The following GTF2H1 variants were observed in gnomAD, a reference collection of about 807,000 sequenced individuals.
GTF2H1 encodes BTF2 p62.
GTF2H1 carries 16 observed loss-of-function variants against 71.2 expected under a neutral mutation model. That is an observed-to-expected ratio of 0.22 (90% CI 0.15 to 0.34). GTF2H1 has a LOEUF of 0.34. Among genes scored for constraint, GTF2H1 ranks in the 10% least tolerant of loss-of-function variants. The pLI is 1.00. For missense variants in GTF2H1, 498 were observed against 648.2 expected (o/e 0.77, Z 2.52); for synonymous variants, 215 against 219.0 (o/e 0.98, Z 0.16).
intron 1 of GTF2H1, among the ~76,000 whole-genome samples, chr11:18,326,381 G>A (rs527537206): frequency 1.3e-5 from 2 of 152,138 alleles, no homozygotes; most frequent in African/African-American, 2.4e-5. Flanking sequence ...AATTAGCGAG[G>A]TGTGGTGGTG....
At chr11:18,361,388 C>T (rs962070482) in intron 14 of GTF2H1, among the ~76,000 whole-genome samples, 2 of 151,996 alleles carry the variant, frequency 1.3e-5, no homozygotes, top group South Asian at 2.1e-4. Context: ...ACAATCTGGC[C>T]GGGTGCGGTG....
intron 11 of GTF2H1, among the ~76,000 whole-genome samples, chr11:18,355,344 C>T (rs972926079): frequency 7.9e-5 from 12 of 151,342 alleles, no homozygotes; most frequent in Non-Finnish European, 1.3e-4. Flanking sequence ...GGGGTTTCAC[C>T]GTGTTAGCCA....
At chr11:18,345,665 T>G (rs1000682224) in intron 7 of GTF2H1, among the ~76,000 whole-genome samples, 5 of 152,036 alleles carry the variant, frequency 3.3e-5, no homozygotes, top group Non-Finnish European at 7.4e-5. Context: ...CCAGCTAATT[T>G]TTGTATTTTT....
chr11:18,341,737 T>C, intron 7 of GTF2H1, 130 bp downstream of exon 7: 1 of 575,532 alleles, frequency 1.7e-6, no homozygotes. Context: ...TTGAAGTGAT[T>C]TATCGGAAGT....
At chr11:18,356,253 C>T (rs1433618148) in intron 11 of GTF2H1, among the ~76,000 whole-genome samples, 1 of 151,938 alleles carries the variant, frequency 6.6e-6, no homozygotes, top group Admixed American at 6.6e-5. Context: ...TGGTGCGTAC[C>T]TGTAGTCTCA....
chr11:18,353,079 A>G (rs2133982040), intron 11 of GTF2H1, among the ~76,000 whole-genome samples: 1 of 152,208 alleles, frequency 6.6e-6, no homozygotes, highest in South Asian at 2.1e-4. Flanking sequence ...TTAAAAATTA[A>G]CTGGGCGTGG....
At chr11:18,342,122 T>G (rs1205646768) in intron 7 of GTF2H1, among the ~76,000 whole-genome samples, 1 of 152,150 alleles carries the variant, frequency 6.6e-6, no homozygotes, top group Non-Finnish European at 1.5e-5. Context: ...GAGAAAGAGA[T>G]GGTTCCTGTT....
intron 9 of GTF2H1, 99 bp from the exon 10 acceptor site, chr11:18,351,781 CT>C: frequency 1.6e-6 from 1 of 642,652 alleles, no homozygotes; most frequent in East Asian, 2.6e-5. Flanking sequence ...GGTGGGAAGA[CT>C]TCATTTTTTA....
At chr11:18,330,504 C>G (rs930242712) in intron 1 of GTF2H1, among the ~76,000 whole-genome samples, 1 of 152,218 alleles carries the variant, frequency 6.6e-6, no homozygotes, top group Non-Finnish European at 1.5e-5. Flanking sequence ...AACACCAAGG[C>G]TGCAGTGAGC....
At chr11:18,336,070 GT>G (rs1865020502) in intron 3 of GTF2H1, 124 bp downstream of exon 3, 1 of 618,290 alleles carries the variant, frequency 1.6e-6, no homozygotes, top group African/African-American at 1.9e-5. Flanking sequence ...TGTTGTTGTC[GT>G]TTTTGTTTTT....
chr11:18,343,303 A>G (rs903025278), intron 7 of GTF2H1, among the ~76,000 whole-genome samples: 1 of 152,174 alleles, frequency 6.6e-6, no homozygotes, highest in Non-Finnish European at 1.5e-5. Flanking sequence ...TATGAGTTAA[A>G]AGAGCCTAGT....
chr11:18,348,070 G>A lies in GTF2H1; in HGVS notation c.1053+151G>A, dbSNP rs189287685. ...CTTAAAGTGTATAGCATTACAAAGA[G>A]TATTTCCCCAGCTTTGGCTTGCCAG... On this transcript the variant is annotated intron_variant, in intron 9 of 14. Coordinates refer to ENST00000265963, the MANE Select transcript of GTF2H1 (RefSeq NM_005316.4). The A allele has an allele frequency of 6.1e-6, 4 of 653,810 alleles. No individual in the cohort carries two copies. In the Admixed American group the frequency reaches 1.1e-4, roughly 17 times the overall value. The allele number at this position is 653,810 out of a possible 1,614,324, so 40.5% of individuals were successfully genotyped here.
chr11:18,332,147 C>G (rs1187482860), intron 1 of GTF2H1, among the ~76,000 whole-genome samples: 1 of 152,140 alleles, frequency 6.6e-6, no homozygotes, highest in East Asian at 1.9e-4. Flanking sequence ...TAGTTTTAAC[C>G]CTCAGAAAAA....
At position 18,358,506 on chromosome 11, in the gene GTF2H1, C is replaced by T. The variant is rs758980724; in HGVS notation, c.1352-19C>T. 1.8e-5 allele frequency: 25 copies of T among 1,371,022 alleles called. No homozygotes were observed. The highest frequency in any genetic ancestry group is 2.3e-5 in the Non-Finnish European group (22 of 958,778). The allele number at this position is 1,371,022 out of a possible 1,614,324, so 84.9% of individuals were successfully genotyped here. On this transcript the variant is annotated intron_variant, in intron 12 of 14. Coordinates refer to ENST00000265963, the MANE Select transcript of GTF2H1 (RefSeq NM_005316.4). ...GTTAAAATAGCTCTTAACCTATGGG[C>T]CTTGTTCTTCTTTTGCAGAGATGGT...
chr11:18,356,245 G>A (rs1001436925), intron 11 of GTF2H1, among the ~76,000 whole-genome samples: 1 of 152,040 alleles, frequency 6.6e-6, no homozygotes, highest in Non-Finnish European at 1.5e-5. Flanking sequence ...GGGTATGGTG[G>A]TGCGTACCTG....
At chr11:18,340,762 T>TA (rs1182006792) in intron 5 of GTF2H1, among the ~76,000 whole-genome samples, 4 of 152,200 alleles carry the variant, frequency 2.6e-5, no homozygotes, top group African/African-American at 9.6e-5. Context: ...AAAGATTAAG[T>TA]AATTTGCTCA....
chr11:18,331,169 G>A (rs770785061), intron 1 of GTF2H1, among the ~76,000 whole-genome samples: 4 of 151,980 alleles, frequency 2.6e-5, no homozygotes, highest in South Asian at 2.1e-4. Context: ...TGATTCTCCC[G>A]CTTCAGCATT....
intron 14 of GTF2H1, among the ~76,000 whole-genome samples, chr11:18,363,810 C>T (rs1865759351): frequency 6.6e-6 from 1 of 152,006 alleles, no homozygotes; most frequent in South Asian, 2.1e-4. Context: ...CGGTGGCTTA[C>T]ACCTGTAATC....
At chr11:18,352,750 T>C (rs1565016308) in intron 11 of GTF2H1, among the ~76,000 whole-genome samples, 1 of 152,256 alleles carries the variant, frequency 6.6e-6, no homozygotes, top group Non-Finnish European at 1.5e-5. Flanking sequence ...TCTCTGAATA[T>C]TCTGCATGAC....
Sources: gnomAD v4.1 joint callset for allele counts (sites outside exome capture counted in the v4.1 genomes callset) on GRCh38, gnomAD v4.1.1 for gene constraint, MANE v1.5 for transcripts, NCBI Gene and HGNC (gene_info 2026-07-23, HGNC 2026-07-21) for gene names.